The following ZNF664 variants were observed in gnomAD, a reference collection of about 807,000 sequenced individuals.
ZNF664 encodes zinc finger protein 664.
A neutral mutation model predicts 18.2 loss-of-function variants in ZNF664; 10 were observed. The observed-to-expected ratio is 0.55, with a 90% CI of 0.34 to 0.93. The LOEUF is 0.93. Ranked by LOEUF, ZNF664 falls within the 40% of genes least tolerant of loss-of-function variation. ZNF664 has a pLI of 0.02. For synonymous variants in ZNF664, 119 were observed against 104.2 expected (o/e 1.14, Z -0.86); for missense variants, 193 against 319.0 (o/e 0.61, Z 3.01).
Position 123,973,320 on chromosome 12 carries a change from C to A in ZNF664, c.-924C>A. 1.0e-6 allele frequency: 1 copy of A among 983,196 alleles called. No individual in the cohort carries two copies. Among genetic ancestry groups the A allele is most frequent in the Non-Finnish European group, 1.2e-6 (1 of 829,578 alleles). The allele number at this position is 983,196 out of a possible 1,614,324, so 60.9% of individuals were successfully genotyped here. On this transcript the variant is annotated 5_prime_UTR_variant, in exon 1 of 5. Coordinates refer to ENST00000337815, the MANE Select transcript of ZNF664 (RefSeq NM_152437.3). ...GAGAGGGAGGTGGGTGCGCGGCGCC[C>A]GCGGCCTGGGGCGCTGACTCCCCTC...
chr12:124,002,034 T>C (rs532410491), intron 3 of ZNF664, among the ~76,000 whole-genome samples: 52 of 152,308 alleles, frequency 3.4e-4, no homozygotes, highest in African/African-American at 1.0e-3. Flanking sequence ...GGTAATGTTC[T>C]GTACAAAAGT....
intron 2 of ZNF664, among the ~76,000 whole-genome samples, chr12:123,977,285 GAT>G (rs972277864): frequency 2.6e-5 from 4 of 152,116 alleles, no homozygotes; most frequent in East Asian, 1.9e-4. Context: ...TAATATGTGA[GAT>G]AGGAGTGAAG....
At chr12:124,002,004 A>G (rs1427470318) in intron 3 of ZNF664, among the ~76,000 whole-genome samples, 1 of 152,236 alleles carries the variant, frequency 6.6e-6, no homozygotes, top group East Asian at 1.9e-4. Flanking sequence ...AAATGAGCAC[A>G]ATAATTCCAG....
At chr12:124,006,519 T>G (rs1957075663) in intron 3 of ZNF664, among the ~76,000 whole-genome samples, 1 of 152,242 alleles carries the variant, frequency 6.6e-6, no homozygotes, top group African/African-American at 2.4e-5. Flanking sequence ...TTTGACTTCC[T>G]TGAATCTTAG....
At chr12:123,978,110 A>G (rs746667571) in intron 2 of ZNF664, among the ~76,000 whole-genome samples, 1 of 152,228 alleles carries the variant, frequency 6.6e-6, no homozygotes, top group Non-Finnish European at 1.5e-5. Context: ...TAGAGAAAAT[A>G]ATAATTAAAA....
Position 123,973,971 on chromosome 12 carries a change from G to T in ZNF664, c.-806G>T. ...GCACCCAGCGCAGAAGGCTGCTGCC[G>T]CCGGACGCCTCCATTGTTTGACCAC... On this transcript the variant is annotated 5_prime_UTR_variant, in exon 2 of 5. Coordinates refer to ENST00000337815, the MANE Select transcript of ZNF664 (RefSeq NM_152437.3). 6.5e-6 allele frequency: 8 copies of T among 1,231,916 alleles called. No individual in the cohort carries two copies. The highest frequency in any genetic ancestry group is 8.1e-6 in the Non-Finnish European group (8 of 988,090). The allele number at this position is 1,231,916 out of a possible 1,614,324, so 76.3% of individuals were successfully genotyped here.
chr12:123,980,043 C>A lies in ZNF664; in HGVS notation c.-757+6023C>A, dbSNP rs544298970. 9.2e-5 allele frequency among the ~76,000 whole-genome samples: 14 copies of A among 152,024 alleles called. No individual in the cohort carries two copies. In the East Asian group the frequency reaches 2.7e-3, roughly 29 times the overall value. ...GTACTGACATAGCCTGTATGGATGT[C>A]TAGAATATACTGTTGAGCCAAAAAA... On this transcript the variant is annotated intron_variant, in intron 2 of 4. Transcript: ENST00000337815.
chr12:123,989,271 C>T (rs997455235), intron 3 of ZNF664: 4 of 152,374 alleles, frequency 2.6e-5, no homozygotes, highest in African/African-American at 4.8e-5. Flanking sequence ...ACCTCTCTTC[C>T]TTTTCTCTCT....
intron 2 of ZNF664, among the ~76,000 whole-genome samples, chr12:123,983,524 T>C (rs1226870531): frequency 1.3e-5 from 2 of 152,248 alleles, no homozygotes; most frequent in African/African-American, 2.4e-5. Flanking sequence ...GTGTGTTCTA[T>C]GATATTGTGA....
Position 123,975,719 on chromosome 12 carries a change from A to C in ZNF664, c.-757+1699A>C, listed in dbSNP as rs539537644. ...GTGTGAGCCACTGTGCCCAGCCCCTAGTGGTTTTACATACCTTAAAAAATA... is the reference window on the plus strand; with the variant it reads ...GTGTGAGCCACTGTGCCCAGCCCCTCGTGGTTTTACATACCTTAAAAAATA... On this transcript the variant is annotated intron_variant, in intron 2 of 4. Coordinates refer to ENST00000337815, the MANE Select transcript of ZNF664 (RefSeq NM_152437.3). 1.1e-4 allele frequency among the ~76,000 whole-genome samples: 16 copies of C among 152,336 alleles called. No individual in the cohort carries two copies. In the East Asian group the frequency reaches 2.9e-3, roughly 28 times the overall value.
At chr12:123,979,774 G>A (rs1214174134) in intron 2 of ZNF664, among the ~76,000 whole-genome samples, 1 of 151,922 alleles carries the variant, frequency 6.6e-6, no homozygotes, top group African/African-American at 2.4e-5. Context: ...CAGCCTCCTG[G>A]GCTCAAGTGA....
At chr12:123,992,276 G>C (rs116528113) in intron 3 of ZNF664, among the ~76,000 whole-genome samples, 240 of 152,306 alleles carry the variant, frequency 1.6e-3, no homozygotes, top group African/African-American at 5.6e-3. Flanking sequence ...ACTGTTGTCA[G>C]TTTCTCTCCT....
At chr12:123,993,361 A>T (rs1956910477) in intron 3 of ZNF664, among the ~76,000 whole-genome samples, 1 of 152,358 alleles carries the variant, frequency 6.6e-6, no homozygotes, top group Admixed American at 6.5e-5. Flanking sequence ...ACTATTGATG[A>T]TGGTGGAAGC....
chr12:124,013,959 T>TTTCTTCATTCAACAAATA lies in ZNF664; in HGVS notation c.*1031_*1048dup, dbSNP rs1376060765. The stretch of plus-strand genomic sequence containing the variant: ...AACGTCTTTATTAATCCATCATTCT[T>TTTCTTCATTCAACAAATA]TTCTTCATTCAACAAATATGTATTG... On this transcript the variant is annotated 3_prime_UTR_variant, in exon 5 of 5. Coordinates refer to ENST00000337815, the MANE Select transcript of ZNF664 (RefSeq NM_152437.3). 1 of 167,164 alleles carries TTTCTTCATTCAACAAATA rather than the reference T, an allele frequency of 6.0e-6. No homozygotes were observed. Among genetic ancestry groups the TTTCTTCATTCAACAAATA allele is most frequent in the Non-Finnish European group, 1.5e-5 (1 of 68,164 alleles). The allele number at this position is 167,164 out of a possible 1,614,324, so 10.4% of individuals were successfully genotyped here. A position where few individuals can be genotyped will look rare whatever the true frequency, so the allele number is the denominator to read the frequency against.
chr12:124,012,362 A>G lies in ZNF664; in HGVS notation c.218A>G (p.Lys73Arg). 6.2e-7 allele frequency: 1 copy of G among 1,614,236 alleles called. No homozygotes were observed. The highest frequency in any genetic ancestry group is 8.5e-7 in the Non-Finnish European group (1 of 1,180,044). ...GGTAAGGATTTTAGCACTACAACAA[A>G]ACTTAATAGACATAAGAAAATCCAC... ...DCGKDFSTTT[K>R]LNRHKKIHTV... The change falls in exon 5 of 5, where the codon AAA (lysine) becomes AGA (arginine). Residue 73 changes from lysine (K) to arginine (R), a missense_variant. Coordinates refer to ENST00000337815, the MANE Select transcript of ZNF664 (RefSeq NM_152437.3).
At chr12:124,010,676 C>G (rs562428036) in intron 3 of ZNF664, among the ~76,000 whole-genome samples, 1 of 152,318 alleles carries the variant, frequency 6.6e-6, no homozygotes, top group Admixed American at 6.5e-5. Context: ...GAGAGCAACG[C>G]ACACAGTTCC....
intron 3 of ZNF664, among the ~76,000 whole-genome samples, chr12:124,000,278 C>T (rs1034430282): frequency 5.9e-5 from 9 of 152,186 alleles, no homozygotes; most frequent in African/African-American, 1.9e-4. Context: ...CCATTGCCCT[C>T]TCCTTCTCAG....
chr12:124,005,556 CATTATATAAAAAGAAA>C (rs1957063824), intron 3 of ZNF664, among the ~76,000 whole-genome samples: 1 of 150,192 alleles, frequency 6.7e-6, no homozygotes, highest in Admixed American at 6.6e-5. Context: ...GTATTATCCT[CATTATATAAAAAGAAA>C]ACAGATGCAA....
chr12:123,994,902 G>T (rs1956929967), intron 3 of ZNF664, among the ~76,000 whole-genome samples: 1 of 152,226 alleles, frequency 6.6e-6, no homozygotes, highest in South Asian at 2.1e-4. Context: ...ACTATAAATT[G>T]TGAGAACATG....
Sources: gnomAD v4.1 joint callset for allele counts (sites outside exome capture counted in the v4.1 genomes callset) on GRCh38, gnomAD v4.1.1 for gene constraint, MANE v1.5 for transcripts, NCBI Gene and HGNC (gene_info 2026-07-23, HGNC 2026-07-21) for gene names.